Variants in SLC38A8 observed in about 807,000 individuals in gnomAD.
SLC38A8 encodes solute carrier family 38 member 8, also known as amino acid transporter SLC38A8.
SLC38A8 carries 65 observed loss-of-function variants against 46.0 expected under a neutral mutation model. That is an observed-to-expected ratio of 1.41 (90% CI 1.16 to 1.74). The LOEUF (loss-of-function observed/expected upper bound fraction) is 1.74, where lower values mean the gene tolerates loss of function less well. SLC38A8 is among the 40% of genes most tolerant of loss of function. SLC38A8 has a pLI of 0.00. For synonymous variants in SLC38A8, 447 were observed against 243.7 expected, an observed-to-expected ratio of 1.83 and a Z score of -7.77; for missense variants, 998 against 567.9, an observed-to-expected ratio of 1.76 and a Z score of -7.70.
chr16:84,031,896 G>A lies in SLC38A8; in HGVS notation c.603C>T (p.Gly201=), dbSNP rs776856962. The A allele has an allele frequency of 9.9e-6, 16 of 1,614,164 alleles. No individual in the cohort carries two copies. The South Asian group carries it at 1.5e-4, about 16-fold the overall frequency. The change falls in exon 5 of 11, where the codon GGC becomes GGT. Residue 201 remains glycine, a synonymous_variant. Coordinates refer to ENST00000299709, the MANE Select transcript of SLC38A8 (RefSeq NM_001080442.3). ...GTGAAGGATGGGACTCACGCACGAGGCCCTGGGGCCAGAGGTAGTACTGCA... is the reference window on the plus strand; with the variant it reads ...GTGAAGGATGGGACTCACGCACGAGACCCTGGGGCCAGAGGTAGTACTGCA... ...ITVQYYLWPQ[G]LVRESHPSLS...
In SLC38A8 at chr16:84,017,076, G is replaced by A. The variant is rs2085037013; in HGVS notation, c.953+64C>T. On this transcript the variant is annotated intron_variant, in intron 8 of 10. Transcript: ENST00000299709. ...GCCGCGTAGCCCACACCTGGTACAT[G>A]CTCAATCACAGCACACATCAGCAGA... 3 of 1,591,194 alleles carry A rather than the reference G, an allele frequency of 1.9e-6. No individual in the cohort carries two copies. In the African/African-American group the frequency reaches 4.0e-5, roughly 21 times the overall value.
chr16:84,038,328 G>C (rs187383555), intron 2 of SLC38A8, among the ~76,000 whole-genome samples: 200 of 151,790 alleles, frequency 1.3e-3, no homozygotes, highest in African/African-American at 4.5e-3. Flanking sequence ...AAAAAATTCA[G>C]ATGTACAGGA....
rs981018492 is a variant in SLC38A8 at position 84,032,389 on chromosome 16, G to A, written c.531-421C>T. ...CTTTTAGTAGAGACAGGGTTTCACC[G>A]TGTTGGTCAGGCTGGTTTTGAACTG... On this transcript the variant is annotated intron_variant, in intron 4 of 10. Coordinates refer to ENST00000299709, the MANE Select transcript of SLC38A8 (RefSeq NM_001080442.3). Among the ~76,000 whole-genome samples, 7 of 152,140 alleles carry A rather than the reference G, an allele frequency of 4.6e-5. No homozygotes were observed. In the East Asian group the frequency reaches 7.7e-4, roughly 17 times the overall value.
At chr16:84,029,972 G>A (rs887579341) in intron 5 of SLC38A8, among the ~76,000 whole-genome samples, 2 of 152,206 alleles carry the variant, frequency 1.3e-5, no homozygotes, top group African/African-American at 4.8e-5. Flanking sequence ...AGAGGTCTGC[G>A]TGGGGAGAAC....
rs542526554 is a variant in SLC38A8, at chr16:84,012,878, G to A, written c.1214+123C>T. 1.0e-3 allele frequency: 1,079 copies of A among 1,072,414 alleles called. 19 individuals carry two copies. The South Asian group carries it at 0.014, about 14-fold the overall frequency. The allele number at this position is 1,072,414 out of a possible 1,614,324, so 66.4% of individuals were successfully genotyped here. A position where few individuals can be genotyped will look rare whatever the true frequency, so the allele number is the denominator to read the frequency against. ...GGTAGACAGAGACTCTCTTCCTGTG[G>A]CTCGCAGGTTTCTCACCTGCAGGAT... is the stretch of plus-strand genomic sequence containing the variant. On this transcript the variant is annotated intron_variant, in intron 10 of 10. Coordinates refer to ENST00000299709, the MANE Select transcript of SLC38A8 (RefSeq NM_001080442.3).
chr16:84,010,056 G>C (rs935392501), intron 10 of SLC38A8, among the ~76,000 whole-genome samples, 179 bp from the exon 11 acceptor site: 1 of 147,668 alleles, frequency 6.8e-6, no homozygotes, highest in Admixed American at 6.8e-5. Context: ...GGGAAGCAAA[G>C]TACCCAGGCA....
chr16:84,013,581 C>T (rs2151112208), intron 9 of SLC38A8, among the ~76,000 whole-genome samples: 1 of 151,816 alleles, frequency 6.6e-6, no homozygotes, highest in African/African-American at 2.4e-5. Context: ...CAGGTGCGTG[C>T]CACCACACCC....
At chr16:84,017,389 TC>T in intron 7 of SLC38A8, 102 bp from the exon 8 acceptor site, 1 of 1,377,650 alleles carries the variant, frequency 7.3e-7, no homozygotes, top group South Asian at 1.3e-5. Context: ...CCTAAGATTT[TC>T]CTTAGGAGCT....
chr16:84,037,905 T>A (rs1275769409), intron 2 of SLC38A8, among the ~76,000 whole-genome samples: 1 of 147,854 alleles, frequency 6.8e-6, no homozygotes, highest in East Asian at 2.1e-4. Flanking sequence ...AGCTGCTAGG[T>A]CCAAAGAATT....
chr16:84,026,078 A>T (rs2085160863), intron 6 of SLC38A8, among the ~76,000 whole-genome samples: 1 of 152,226 alleles, frequency 6.6e-6, no homozygotes, highest in African/African-American at 2.4e-5. Context: ...AGATGCCCCG[A>T]GGTGGGGAGT....
intron 2 of SLC38A8, among the ~76,000 whole-genome samples, chr16:84,038,569 C>T (rs1330870054): frequency 6.6e-6 from 1 of 152,162 alleles, no homozygotes; most frequent in Non-Finnish European, 1.5e-5. Flanking sequence ...GTTCATTCAC[C>T]GGCCTTTTCT....
chr16:84,028,133 G>T (rs2085188456), intron 6 of SLC38A8, among the ~76,000 whole-genome samples: 2 of 151,974 alleles, frequency 1.3e-5, no homozygotes, highest in East Asian at 3.9e-4. Context: ...CAAGGGAAGA[G>T]ACGAGCTCAA....
At chr16:84,038,609 G>A (rs1003288784) in intron 2 of SLC38A8, among the ~76,000 whole-genome samples, 2 of 152,166 alleles carry the variant, frequency 1.3e-5, no homozygotes, top group Non-Finnish European at 2.9e-5. Context: ...CATATAAAAT[G>A]CTCAAAGTCT....
intron 6 of SLC38A8, among the ~76,000 whole-genome samples, chr16:84,028,105 G>A (rs2085188168): frequency 6.6e-6 from 1 of 151,400 alleles, no homozygotes; most frequent in South Asian, 2.1e-4. Flanking sequence ...AAGAACAGAA[G>A]CAGAGCTCAC....
intron 5 of SLC38A8, among the ~76,000 whole-genome samples, chr16:84,030,157 G>A (rs59694435): frequency 0.035 from 5,272 of 152,222 alleles, 300 homozygotes; most frequent in African/African-American, 0.12. Context: ...GTGTGAGGAT[G>A]AAGGCCAAGA....
chr16:84,036,917 G>A lies in SLC38A8; in HGVS notation c.190-17C>T, dbSNP rs766425357. ...CAACGAGACCTGCGGAGAAGGAGCAGGACCTGGAACTGGGGTGTGCCCACA... is the reference window on the plus strand; with the variant it reads ...CAACGAGACCTGCGGAGAAGGAGCAAGACCTGGAACTGGGGTGTGCCCACA... On this transcript the variant is annotated splice_polypyrimidine_tract_variant and intron_variant, in intron 2 of 10. Coordinates refer to ENST00000299709, the MANE Select transcript of SLC38A8 (RefSeq NM_001080442.3). 17 of 1,599,528 alleles carry A rather than the reference G, an allele frequency of 1.1e-5. No individual in the cohort carries two copies. Among genetic ancestry groups the A allele is most frequent in the Non-Finnish European group, 1.0e-5 (12 of 1,174,818 alleles).
At chr16:84,037,275 G>C (rs1420161143) in intron 2 of SLC38A8, among the ~76,000 whole-genome samples, 1 of 152,242 alleles carries the variant, frequency 6.6e-6, no homozygotes, top group Non-Finnish European at 1.5e-5. Context: ...TGGAACCCGA[G>C]GTGGAGCGGG....
intron 9 of SLC38A8, among the ~76,000 whole-genome samples, chr16:84,015,542 C>T (rs1597250726): frequency 1.3e-5 from 2 of 148,420 alleles, no homozygotes; most frequent in African/African-American, 5.0e-5. Flanking sequence ...GTATGATTGA[C>T]CCTCAGCCCT....
chr16:84,023,843 A>G (rs2085126082), intron 6 of SLC38A8, among the ~76,000 whole-genome samples: 1 of 152,220 alleles, frequency 6.6e-6, no homozygotes. Flanking sequence ...GCAGTGAGCC[A>G]AGATCGTGCC....
Sources: gnomAD v4.1 joint callset for allele counts (sites outside exome capture counted in the v4.1 genomes callset) on GRCh38, gnomAD v4.1.1 for gene constraint, MANE v1.5 for transcripts, NCBI Gene and HGNC (gene_info 2026-07-23, HGNC 2026-07-21) for gene names.